The following ADARB2 variants were observed in gnomAD, a reference collection of about 807,000 sequenced individuals.
ADARB2 encodes the protein adenosine deaminase RNA specific B2 (inactive), also known as inactive double-stranded RNA-specific editase B2.
ADARB2 carries 25 observed loss-of-function variants against 62.2 expected under a neutral mutation model. The ratio of observed to expected loss-of-function variants is 0.40; its 90% CI spans 0.29 to 0.56. ADARB2 has a LOEUF of 0.56. ADARB2 is among the 20% of genes least tolerant of loss of function. ADARB2 has a pLI of 0.43. For synonymous variants in ADARB2, 572 were observed against 500.8 expected (o/e 1.14, Z -1.90); for missense variants, 1,071 against 1,077.4 (o/e 0.99, Z 0.08).
At position 1,609,007 on chromosome 10, in the gene ADARB2, C is replaced by T. The variant is rs551676809; in HGVS notation, c.100+128044G>A. ...CTTGAGGCTGCCCCTGCGGATTGCACGGCTAATGCAGAAGGCTAGAAAGAA... is the reference window on the plus strand; with the variant it reads ...CTTGAGGCTGCCCCTGCGGATTGCATGGCTAATGCAGAAGGCTAGAAAGAA... On this transcript the variant is annotated intron_variant, in intron 1 of 9. Coordinates refer to ENST00000381312, the MANE Select transcript of ADARB2 (RefSeq NM_018702.4). 2.0e-5 allele frequency among the ~76,000 whole-genome samples: 3 copies of T among 152,230 alleles called. No homozygotes were observed. The South Asian group carries it at 6.2e-4, about 32-fold the overall frequency.
chr10:1,655,730 G>A (rs1834165825), intron 1 of ADARB2, among the ~76,000 whole-genome samples: 3 of 152,174 alleles, frequency 2.0e-5, no homozygotes, highest in Admixed American at 2.0e-4. Context: ...CATGGGCATG[G>A]CTGGCTTTCA....
intron 1 of ADARB2, among the ~76,000 whole-genome samples, chr10:1,491,046 ATTTC>A (rs1358253985): frequency 6.6e-6 from 1 of 151,926 alleles, no homozygotes; most frequent in Non-Finnish European, 1.5e-5. Flanking sequence ...CAATTTTATA[ATTTC>A]TTTTTGTTTA....
At chr10:1,660,481 G>A (rs1235401626) in intron 1 of ADARB2, among the ~76,000 whole-genome samples, 1 of 152,232 alleles carries the variant, frequency 6.6e-6, no homozygotes, top group African/African-American at 2.4e-5. Context: ...GTCAGCCACA[G>A]GTAACTGCAT....
rs1420787303 is a variant in ADARB2 at position 1,270,942 on chromosome 10, AG to A, written c.1192+12del. On this transcript the variant is annotated intron_variant, in intron 4 of 9. Transcript: ENST00000381312. Reference sequence around the variant, plus strand: ...GAGATGAAAATGCCCACAGGAAAAGAGGAGGTGGCTACCTTTGGTCATGACG... The same window carrying A: ...GAGATGAAAATGCCCACAGGAAAAGAGAGGTGGCTACCTTTGGTCATGACG... The A allele has an allele frequency of 1.1e-5, 18 of 1,611,370 alleles. No individual in the cohort carries two copies. In the Admixed American group the frequency reaches 1.5e-4, roughly 13 times the overall value.
At chr10:1,351,048 C>T (rs913787028) in intron 3 of ADARB2, among the ~76,000 whole-genome samples, 1 of 152,080 alleles carries the variant, frequency 6.6e-6, no homozygotes, top group Non-Finnish European at 1.5e-5. Flanking sequence ...GGCCACCGGG[C>T]CAAGGAATGC....
intron 1 of ADARB2, among the ~76,000 whole-genome samples, chr10:1,503,269 G>T (rs2063939): frequency 0.16 from 24,811 of 151,846 alleles, 2,329 homozygotes; most frequent in Middle Eastern, 0.23. Flanking sequence ...TCATTTCAAC[G>T]TCTGCCTCCC....
At chr10:1,599,143 TC>T in intron 1 of ADARB2, among the ~76,000 whole-genome samples, 1 of 152,328 alleles carries the variant, frequency 6.6e-6, no homozygotes, top group South Asian at 2.1e-4. Context: ...GACGTAAAAT[TC>T]CAGCTTCCCA....
At chr10:1,509,007 G>C (rs930117633) in intron 1 of ADARB2, among the ~76,000 whole-genome samples, 5 of 152,130 alleles carry the variant, frequency 3.3e-5, no homozygotes, top group Non-Finnish European at 7.3e-5. Context: ...GAGGAGTTTG[G>C]TGCCTTTCTT....
chr10:1,185,037 C>T lies in ADARB2; in HGVS notation c.1867G>A (p.Val623Met), dbSNP rs779126022. Residue 623 changes from valine (V) to methionine (M), a missense_variant and splice_region_variant, in exon 9 of 10, where the codon GTG becomes ATG. Physicochemically the swap from Val to Met is conservative, Grantham distance 21. Transcript: ENST00000381312. Reference sequence around the variant, plus strand: ...GGCTGGCGCGCCTCGGCGTCACTCACGCCTGTCGGGGAGATGGGGAAAGGC... The same window carrying T: ...GGCTGGCGCGCCTCGGCGTCACTCATGCCTGTCGGGGAGATGGGGAAAGGC... Reference protein sequence around the residue: ...YRHNRPLLSGVSDAEARQPGK... With the variant: ...YRHNRPLLSGMSDAEARQPGK... The T allele has an allele frequency of 5.2e-5, 83 of 1,610,596 alleles. No individual in the cohort carries two copies. The highest frequency in any genetic ancestry group is 6.7e-5 in the Non-Finnish European group (79 of 1,178,506).
At position 1,737,216 on chromosome 10, in the gene ADARB2, G is replaced by T; in HGVS notation, c.-66C>A. On this transcript the variant is annotated 5_prime_UTR_variant, in exon 1 of 10. Transcript: ENST00000381312. ...TGCACCTGCACCTGCCTCCTTCCCG[G>T]CAGCCGCCGCCGCCGCTGCTGCGAA... 6.5e-7 allele frequency: 1 copy of T among 1,534,024 alleles called. No homozygotes were observed. The highest frequency in any genetic ancestry group is 1.4e-5 in the African/African-American group (1 of 73,722).
chr10:1,305,389 C>G (rs1393671114), intron 3 of ADARB2, among the ~76,000 whole-genome samples: 1 of 151,958 alleles, frequency 6.6e-6, no homozygotes, highest in Non-Finnish European at 1.5e-5. Context: ...GTAACAGGAT[C>G]TGAAATTGGG....
chr10:1,595,367 G>A (rs565271217), intron 1 of ADARB2, among the ~76,000 whole-genome samples: 3 of 152,296 alleles, frequency 2.0e-5, no homozygotes, highest in African/African-American at 4.8e-5. Context: ...CTGAGCACCC[G>A]GCAGTGGCAT....
chr10:1,228,361 C>A (rs1480828472), intron 6 of ADARB2, among the ~76,000 whole-genome samples: 1 of 152,180 alleles, frequency 6.6e-6, no homozygotes. Context: ...AGGAGAGGAG[C>A]TGCTCAACCA....
intron 1 of ADARB2, among the ~76,000 whole-genome samples, chr10:1,663,179 C>T (rs1834270825): frequency 6.6e-6 from 1 of 152,222 alleles, no homozygotes; most frequent in Non-Finnish European, 1.5e-5. Flanking sequence ...AAAAGTTGAG[C>T]AGAAAGTACA....
intron 1 of ADARB2, among the ~76,000 whole-genome samples, chr10:1,484,044 T>C (rs1300230088): frequency 6.6e-6 from 1 of 152,222 alleles, no homozygotes; most frequent in Non-Finnish European, 1.5e-5. Flanking sequence ...CTACACCCTA[T>C]ACTTCTTGTT....
chr10:1,573,413 TGTGTTGA>T (rs1266132708), intron 1 of ADARB2, among the ~76,000 whole-genome samples: 1 of 152,114 alleles, frequency 6.6e-6, no homozygotes, highest in African/African-American at 2.4e-5. Context: ...AGCTTGGGGA[TGTGTTGA>T]GTGTGGAGCG....
At chr10:1,634,568 A>G (rs1465283008) in intron 1 of ADARB2, among the ~76,000 whole-genome samples, 2 of 152,204 alleles carry the variant, frequency 1.3e-5, no homozygotes, top group Non-Finnish European at 2.9e-5. Flanking sequence ...CTCCAGGTGT[A>G]CAAGTGTTTG....
At chr10:1,601,225 T>C (rs1215082955) in intron 1 of ADARB2, among the ~76,000 whole-genome samples, 5 of 152,168 alleles carry the variant, frequency 3.3e-5, no homozygotes, top group East Asian at 3.9e-4. Flanking sequence ...GGAGCTTCCC[T>C]AGGTTTTTGT....
intron 3 of ADARB2, among the ~76,000 whole-genome samples, chr10:1,277,095 A>C (rs940198878): frequency 2.6e-5 from 4 of 152,220 alleles, no homozygotes; most frequent in Non-Finnish European, 5.9e-5. Context: ...TCTCTGGGAC[A>C]CATTCAAAGC....
Sources: allele counts gnomAD v4.1 joint callset (sites outside exome capture counted in the v4.1 genomes callset), GRCh38; gene constraint gnomAD v4.1.1; transcripts MANE v1.5; gene names NCBI Gene and HGNC (gene_info 2026-07-23, HGNC 2026-07-21).